The following HLCS variants were observed in gnomAD, a reference collection of about 807,000 sequenced individuals.
HLCS encodes holocarboxylase synthetase, also known as biotin--protein ligase.
Under a neutral mutation model 75.0 loss-of-function variants are expected in HLCS, and 53 were observed. The ratio of observed to expected loss-of-function variants is 0.71; its 90% CI spans 0.57 to 0.89. The LOEUF (loss-of-function observed/expected upper bound fraction) is 0.89. Ranked by LOEUF, HLCS falls within the 40% of genes least tolerant of loss-of-function variation. HLCS has a pLI of 0.00. For missense variants in HLCS, 966 were observed against 1,074.0 expected (o/e 0.90, Z 1.41); for synonymous variants, 431 against 428.6 (o/e 1.01, Z -0.07).
chr21:36,768,073 G>A (rs543866658), intron 6 of HLCS, among the ~76,000 whole-genome samples: 55 of 152,300 alleles, frequency 3.6e-4, no homozygotes, highest in Non-Finnish European at 5.9e-4. Flanking sequence ...TTTTAACCCC[G>A]TGGTAGGACA....
At chr21:36,862,514 C>T (rs553626077) in intron 6 of HLCS, among the ~76,000 whole-genome samples, 31 of 152,170 alleles carry the variant, frequency 2.0e-4, no homozygotes, top group Non-Finnish European at 4.1e-4. Context: ...TTTTGATTGG[C>T]ATCTCCCTGA....
chr21:36,802,344 C>A lies in HLCS; in HGVS notation c.1893-35059G>T, dbSNP rs374665989. Among the ~76,000 whole-genome samples the A allele has an allele frequency of 3.9e-5, 6 of 152,160 alleles. No individual in the cohort carries two copies. In the East Asian group the frequency reaches 7.7e-4, roughly 20 times the overall value. ...TGTTGGTTGTCCAGGCAACGCCAGCCCAACTGAAAGGGGACTATGCGCCCA... is the reference window on the plus strand; with the variant it reads ...TGTTGGTTGTCCAGGCAACGCCAGCACAACTGAAAGGGGACTATGCGCCCA... On this transcript the variant is annotated intron_variant, in intron 6 of 10. Coordinates refer to ENST00000674895, the MANE Select transcript of HLCS (RefSeq NM_001352514.2).
intron 6 of HLCS, among the ~76,000 whole-genome samples, chr21:36,786,936 G>A (rs542569613): frequency 4.0e-4 from 61 of 152,328 alleles, no homozygotes; most frequent in African/African-American, 1.3e-3. Flanking sequence ...GAGTCCAGGC[G>A]GGGATGGCTC....
intron 6 of HLCS, among the ~76,000 whole-genome samples, chr21:36,776,240 T>A (rs972431433): frequency 1.3e-5 from 2 of 152,324 alleles, no homozygotes; most frequent in Non-Finnish European, 2.9e-5. Flanking sequence ...TTACCATATA[T>A]GTTTTGTCCA....
chr21:36,987,561 C>T (rs974776630), intron 1 of HLCS, among the ~76,000 whole-genome samples: 3 of 151,738 alleles, frequency 2.0e-5, no homozygotes, highest in Non-Finnish European at 2.9e-5. Context: ...TGCAGTGAGC[C>T]GAGATCACAC....
At chr21:36,880,222 T>G (rs541008784) in intron 6 of HLCS, among the ~76,000 whole-genome samples, 12 of 152,224 alleles carry the variant, frequency 7.9e-5, no homozygotes, top group Non-Finnish European at 1.3e-4. Context: ...CGGTGCTCTA[T>G]CTCCACTGCC....
intron 6 of HLCS, among the ~76,000 whole-genome samples, chr21:36,773,284 A>G (rs2060262928): frequency 6.6e-6 from 1 of 152,252 alleles, no homozygotes; most frequent in African/African-American, 2.4e-5. Flanking sequence ...GGCCAAGTGC[A>G]GGCAGCTTTC....
chr21:36,840,376 A>T (rs1343267315), intron 6 of HLCS, among the ~76,000 whole-genome samples: 1 of 152,196 alleles, frequency 6.6e-6, no homozygotes, highest in African/African-American at 2.4e-5. Context: ...CTCCAAAAAT[A>T]TCCTCTATGG....
intron 6 of HLCS, among the ~76,000 whole-genome samples, chr21:36,882,075 C>A (rs2064243880): frequency 6.6e-6 from 1 of 152,006 alleles, no homozygotes; most frequent in African/African-American, 2.4e-5. Flanking sequence ...AAGGTCAGAT[C>A]ATCGAGATCA....
intron 6 of HLCS, among the ~76,000 whole-genome samples, chr21:36,776,417 C>CT (rs60097796): frequency 0.98 from 145,692 of 148,728 alleles, 71,395 homozygotes; most frequent in East Asian, 1. Context: ...CTATTTTATG[C>CT]TTTTTTTTTT....
rs746198634 is a variant in HLCS, at chr21:36,896,816, G to A, written c.1892+44C>T. On this transcript the variant is annotated intron_variant, in intron 6 of 10. Transcript: ENST00000674895. ...TATTGGTAAGAGAGGATGATCAATG[G>A]AACAGGACTCCTCTGAGCAGATGCA... 9 of 1,606,640 alleles carry A rather than the reference G, an allele frequency of 5.6e-6. No homozygotes were observed. The Admixed American group carries it at 1.3e-4, about 24-fold the overall frequency.
At chr21:36,838,389 T>A (rs1246302223) in intron 6 of HLCS, among the ~76,000 whole-genome samples, 1 of 151,130 alleles carries the variant, frequency 6.6e-6, no homozygotes, top group Non-Finnish European at 1.5e-5. Context: ...GGAAAAAGGG[T>A]CTTTGCAGAT....
intron 1 of HLCS, among the ~76,000 whole-genome samples, chr21:36,975,916 ACT>A (rs1262116109): frequency 6.6e-6 from 1 of 151,852 alleles, no homozygotes. Flanking sequence ...TCCCTCAACA[ACT>A]CTGCATGGTG....
At chr21:36,806,343 C>T (rs2061359381) in intron 6 of HLCS, 1 of 152,132 alleles carries the variant, frequency 6.6e-6, no homozygotes, top group Non-Finnish European at 1.5e-5. Context: ...CAGTGTGGTT[C>T]CCTGTGTGAC....
intron 6 of HLCS, among the ~76,000 whole-genome samples, chr21:36,889,451 C>T (rs2064680926): frequency 6.6e-6 from 1 of 152,152 alleles, no homozygotes; most frequent in Admixed American, 6.5e-5. Context: ...ACTCAGTTAC[C>T]CCAAGCTCCT....
intron 6 of HLCS, among the ~76,000 whole-genome samples, chr21:36,874,331 GGT>G (rs1312579052): frequency 6.6e-6 from 1 of 151,780 alleles, no homozygotes; most frequent in Non-Finnish European, 1.5e-5. Context: ...GAACCCAGGA[GGT>G]GGAGCTTGCA....
At position 36,966,493 on chromosome 21, in the gene HLCS, C is replaced by G; in HGVS notation, c.146G>C (p.Arg49Pro). Residue 49 changes from arginine to proline, a missense_variant, in exon 1 of 11, where the codon CGC (arginine) becomes CCC (proline). Transcript: ENST00000674895. ...CGAAAQPPGA[R>P]VCLSRGGRVF... ...GCGGCCGCCACGGCTCAGGCACACG[C>G]GGGCGCCCGGGGGCTGCGCGGCCGC... is the stretch of plus-strand genomic sequence containing the variant. 1.0e-6 allele frequency: 1 copy of G among 985,748 alleles called. No homozygotes were observed. The highest frequency in any genetic ancestry group is 1.2e-6 in the Non-Finnish European group (1 of 830,918). The allele number at this position is 985,748 out of a possible 1,614,324, so 61.1% of individuals were successfully genotyped here.
chr21:36,985,232 T>C (rs2069204604), intron 1 of HLCS, among the ~76,000 whole-genome samples: 1 of 152,274 alleles, frequency 6.6e-6, no homozygotes, highest in African/African-American at 2.4e-5. Context: ...GCTAGCAGTA[T>C]TATTTTTCCC....
intron 6 of HLCS, among the ~76,000 whole-genome samples, chr21:36,808,670 A>C (rs999761174): frequency 6.6e-6 from 1 of 152,242 alleles, no homozygotes; most frequent in African/African-American, 2.4e-5. Flanking sequence ...TATGATTAAC[A>C]ATGAAATTAA....
Sources: allele counts gnomAD v4.1 joint callset (sites outside exome capture counted in the v4.1 genomes callset), GRCh38; gene constraint gnomAD v4.1.1; transcripts MANE v1.5; gene names NCBI Gene and HGNC (gene_info 2026-07-23, HGNC 2026-07-21).